Variants in GHR observed in about 807,000 individuals in gnomAD.
The protein encoded by GHR is GH receptor.
A neutral mutation model predicts 67.1 loss-of-function variants in GHR; 35 were observed. That is an observed-to-expected ratio of 0.52 (90% confidence interval 0.40 to 0.69). The LOEUF (loss-of-function observed/expected upper bound fraction) is 0.69, where lower values mean the gene tolerates loss of function less well. GHR is among the 30% of genes least tolerant of loss of function. GHR has a pLI of 0.00. For missense variants in GHR, 792 were observed against 764.6 expected (o/e 1.04, Z -0.42); for synonymous variants, 272 against 269.1 (o/e 1.01, Z -0.10).
chr5:42,599,553 G>T (rs970392028), intron 2 of GHR, among the ~76,000 whole-genome samples: 13 of 151,724 alleles, frequency 8.6e-5, no homozygotes, highest in Admixed American at 8.5e-4. Context: ...TAGAGATGGG[G>T]TTTCACCATC....
intron 8 of GHR, among the ~76,000 whole-genome samples, chr5:42,716,143 G>A (rs1758707994): frequency 6.8e-6 from 1 of 147,062 alleles, no homozygotes; most frequent in Admixed American, 7.0e-5. Flanking sequence ...TTGGGAATTT[G>A]AAATACCAAT....
chr5:42,546,846 A>C (rs192718294), intron 1 of GHR, among the ~76,000 whole-genome samples: 1 of 152,250 alleles, frequency 6.6e-6, no homozygotes, highest in African/African-American at 2.4e-5. Flanking sequence ...AGTGAGGATA[A>C]AGGGGGATGG....
At position 42,519,018 on chromosome 5, in the gene GHR, C is replaced by T. The variant is rs35591242; in HGVS notation, c.-11-46846C>T. Among the ~76,000 whole-genome samples, 22 of 152,296 alleles carry T rather than the reference C, an allele frequency of 1.4e-4. No homozygotes were observed. The East Asian group carries it at 4.2e-3, about 29-fold the overall frequency. On this transcript the variant is annotated intron_variant, in intron 1 of 9. Coordinates refer to ENST00000230882, the MANE Select transcript of GHR (RefSeq NM_000163.5). ...TGGCAAATTGGTTGATCTCCCTGTGCTGGAGTGTTTAGTCCAGCTGCTGGA... is the reference window on the plus strand; with the variant it reads ...TGGCAAATTGGTTGATCTCCCTGTGTTGGAGTGTTTAGTCCAGCTGCTGGA...
At chr5:42,481,532 A>G (rs1013733756) in intron 1 of GHR, among the ~76,000 whole-genome samples, 5 of 152,136 alleles carry the variant, frequency 3.3e-5, no homozygotes, top group Non-Finnish European at 7.3e-5. Context: ...CACCAATCAG[A>G]CGTAGATTTG....
chr5:42,486,860 A>G (rs1192551516), intron 1 of GHR, among the ~76,000 whole-genome samples: 3 of 152,132 alleles, frequency 2.0e-5, no homozygotes, highest in Non-Finnish European at 2.9e-5. Context: ...AAAAAAAAAA[A>G]AAAGAAACCA....
chr5:42,682,961 A>G (rs1033670893), intron 3 of GHR, among the ~76,000 whole-genome samples: 5 of 151,788 alleles, frequency 3.3e-5, no homozygotes, highest in Admixed American at 3.3e-4. Flanking sequence ...GCTTATTTAC[A>G]TTGTTGTTGG....
chr5:42,612,753 G>A (rs1183364298), intron 2 of GHR, among the ~76,000 whole-genome samples: 1 of 152,058 alleles, frequency 6.6e-6, no homozygotes, highest in Admixed American at 6.6e-5. Context: ...TATCTAAAAT[G>A]GACCTTTTCC....
At chr5:42,561,277 C>T (rs1031203773) in intron 1 of GHR, among the ~76,000 whole-genome samples, 2 of 152,162 alleles carry the variant, frequency 1.3e-5, no homozygotes, top group Admixed American at 6.5e-5. Flanking sequence ...TATGCTCCTT[C>T]TTTTCACAGT....
chr5:42,634,341 A>G (rs1459059671), intron 3 of GHR, among the ~76,000 whole-genome samples: 2 of 152,122 alleles, frequency 1.3e-5, no homozygotes, highest in Non-Finnish European at 2.9e-5. Context: ...TCAACTCTAT[A>G]TTGGACCCTA....
In GHR at chr5:42,588,776, C is replaced by G. The variant is rs552148717; in HGVS notation, c.70+22832C>G. 1.3e-3 allele frequency among the ~76,000 whole-genome samples: 201 copies of G among 152,024 alleles called. 1 individual carries two copies. The highest frequency in any genetic ancestry group is 3.4e-3 in the Middle Eastern group (1 of 294). Reference sequence around the variant, plus strand: ...GTCTTTTTTTGTTTTCTACCAAAACCTTTATAACAAAACAAAATTCATAGC... The same window carrying G: ...GTCTTTTTTTGTTTTCTACCAAAACGTTTATAACAAAACAAAATTCATAGC... On this transcript the variant is annotated intron_variant, in intron 2 of 9. Transcript: ENST00000230882.
chr5:42,468,104 A>G (rs1438371797), intron 1 of GHR: 2 of 1,134,614 alleles, frequency 1.8e-6, no homozygotes, highest in Non-Finnish European at 2.6e-6. Context: ...TTTTGGAACC[A>G]GTAACTGAAG....
At chr5:42,683,770 C>T (rs1001575192) in intron 3 of GHR, among the ~76,000 whole-genome samples, 1 of 152,224 alleles carries the variant, frequency 6.6e-6, no homozygotes, top group Non-Finnish European at 1.5e-5. Flanking sequence ...TGCACAACAT[C>T]TGTATCGGAG....
chr5:42,491,290 A>G (rs948686162), intron 1 of GHR, among the ~76,000 whole-genome samples: 2 of 152,238 alleles, frequency 1.3e-5, no homozygotes, highest in Admixed American at 1.3e-4. Flanking sequence ...AAACTTTTCT[A>G]TTAATATTCA....
At chr5:42,514,984 A>T (rs574709347) in intron 1 of GHR, 1 of 147,962 alleles carries the variant, frequency 6.8e-6, no homozygotes, top group East Asian at 1.9e-4. Flanking sequence ...GTCACCTTTT[A>T]TCAGGAGCAC....
chr5:42,448,573 CTATTATTATTATTATTATTAT>C (rs56084873), intron 1 of GHR, among the ~76,000 whole-genome samples: 1 of 144,310 alleles, frequency 6.9e-6, no homozygotes, highest in Non-Finnish European at 1.5e-5. Context: ...TATCTGTTTA[CTATTATTATTATTATTATTAT>C]TATTATTATT....
intron 1 of GHR, among the ~76,000 whole-genome samples, chr5:42,433,927 A>T (rs1743211055): frequency 1.3e-5 from 2 of 151,972 alleles, no homozygotes; most frequent in Non-Finnish European, 1.5e-5. Context: ...TGGTCGCTGC[A>T]TATAGGCTCA....
chr5:42,693,266 C>T (rs111583720), intron 4 of GHR, among the ~76,000 whole-genome samples: 1,572 of 151,906 alleles, frequency 0.01, 31 homozygotes, highest in African/African-American at 0.035. Flanking sequence ...GCCTACCTAC[C>T]GAATAGCTGG....
intron 2 of GHR, among the ~76,000 whole-genome samples, chr5:42,567,742 C>T (rs898429721): frequency 1.3e-5 from 2 of 149,310 alleles, no homozygotes; most frequent in Non-Finnish European, 3.0e-5. Context: ...TAAGCACGTT[C>T]CAGTGTGTGT....
At chr5:42,515,773 G>A (rs1338792487) in intron 1 of GHR, among the ~76,000 whole-genome samples, 1 of 152,160 alleles carries the variant, frequency 6.6e-6, no homozygotes, top group Non-Finnish European at 1.5e-5. Context: ...ATAAAATAGA[G>A]GTGTAAAGGC....
Sources: gnomAD v4.1 joint callset for allele counts (sites outside exome capture counted in the v4.1 genomes callset) on GRCh38, gnomAD v4.1.1 for gene constraint, MANE v1.5 for transcripts, NCBI Gene and HGNC (gene_info 2026-07-23, HGNC 2026-07-21) for gene names.